The following SORCS1 variants were observed in gnomAD, a reference collection of about 807,000 sequenced individuals.
SORCS1 encodes sortilin related VPS10 domain containing receptor 1.
Under a neutral mutation model 146.1 loss-of-function variants are expected in SORCS1, and 60 were observed. The ratio of observed to expected loss-of-function variants is 0.41; its 90% CI spans 0.33 to 0.51. The LOEUF is 0.51. Among genes scored for constraint, SORCS1 ranks in the 20% least tolerant of loss-of-function variants. The pLI, the probability that SORCS1 is intolerant of heterozygous loss-of-function variation, is 0.21. For synonymous variants in SORCS1, 637 were observed against 584.0 expected (o/e 1.09, Z -1.31); for missense variants, 1,352 against 1,487.6 (o/e 0.91, Z 1.50).
At chr10:106,636,585 GA>G (rs745401538) in intron 18 of SORCS1, among the ~76,000 whole-genome samples, 16 of 152,054 alleles carry the variant, frequency 1.1e-4, no homozygotes, top group Non-Finnish European at 1.5e-4. Flanking sequence ...ATACTTATAA[GA>G]CCATCAGATC....
chr10:106,641,744 C>T (rs547084077), intron 18 of SORCS1, among the ~76,000 whole-genome samples: 5 of 151,930 alleles, frequency 3.3e-5, no homozygotes, highest in South Asian at 2.1e-4. Flanking sequence ...AGTTTACTGG[C>T]GGATGCCAAA....
At chr10:106,997,107 T>C (rs1302242020) in intron 1 of SORCS1, among the ~76,000 whole-genome samples, 1 of 152,094 alleles carries the variant, frequency 6.6e-6, no homozygotes, top group Non-Finnish European at 1.5e-5. Context: ...GCGCTGCCAT[T>C]CCAAGGCAGG....
At chr10:106,945,256 GA>G (rs1367542296) in intron 2 of SORCS1, among the ~76,000 whole-genome samples, 1 of 152,012 alleles carries the variant, frequency 6.6e-6, no homozygotes, top group Non-Finnish European at 1.5e-5. Flanking sequence ...ATTATGACCT[GA>G]AAAATATGGA....
chr10:106,649,007 G>A (rs776472318), intron 18 of SORCS1, among the ~76,000 whole-genome samples: 2 of 152,092 alleles, frequency 1.3e-5, no homozygotes, highest in Non-Finnish European at 2.9e-5. Flanking sequence ...GGGGCACTGA[G>A]TGGCCGGACT....
At chr10:107,132,524 A>G (rs1292432968) in intron 1 of SORCS1, among the ~76,000 whole-genome samples, 2 of 152,186 alleles carry the variant, frequency 1.3e-5, no homozygotes, top group Admixed American at 1.3e-4. Context: ...GCACGCTAAC[A>G]GTAGACAACA....
intron 18 of SORCS1, among the ~76,000 whole-genome samples, chr10:106,640,117 T>C (rs953903446): frequency 6.6e-6 from 1 of 152,186 alleles, no homozygotes; most frequent in Non-Finnish European, 1.5e-5. Flanking sequence ...TTTCTCCAGA[T>C]GAAAAAGCAG....
intron 20 of SORCS1, 52 bp downstream of exon 20, chr10:106,620,376 G>T: frequency 6.4e-7 from 1 of 1,573,324 alleles, no homozygotes; most frequent in Non-Finnish European, 8.7e-7. Flanking sequence ...TTTGCTTCAG[G>T]CAGCGTGAAT....
chr10:106,584,258 T>A (rs1367232455), intron 24 of SORCS1, among the ~76,000 whole-genome samples: 1 of 152,178 alleles, frequency 6.6e-6, no homozygotes, highest in Non-Finnish European at 1.5e-5. Flanking sequence ...CAATGGGCCT[T>A]CCCTCCATTT....
At chr10:107,091,520 T>A (rs1964177535) in intron 1 of SORCS1, among the ~76,000 whole-genome samples, 1 of 152,212 alleles carries the variant, frequency 6.6e-6, no homozygotes, top group Non-Finnish European at 1.5e-5. Flanking sequence ...GACAGTCCCA[T>A]AAACTTGGGA....
At chr10:107,164,939 T>C (rs1969999005), upstream of SORCS1, among the ~76,000 whole-genome samples, 1 of 148,390 alleles carries the variant, frequency 6.7e-6, no homozygotes. The surrounding 1 kb of genome is among the most constrained non-coding windows in gnomAD (Gnocchi z 6.8). Context: ...CCGCCGCCTC[T>C]CCCCGCCGCC....
At chr10:106,810,014 G>T (rs894007381) in intron 3 of SORCS1, among the ~76,000 whole-genome samples, 25 of 152,094 alleles carry the variant, frequency 1.6e-4, no homozygotes, top group African/African-American at 6.0e-4. Context: ...TGCGGTCAGG[G>T]GTTCAAGACC....
intron 3 of SORCS1, among the ~76,000 whole-genome samples, chr10:106,799,242 G>A (rs573364330): frequency 2.0e-5 from 3 of 152,148 alleles, no homozygotes; most frequent in Admixed American, 2.0e-4. Flanking sequence ...AGATGGATTA[G>A]AGACTTAAAT....
chr10:107,103,354 T>G lies in SORCS1; in HGVS notation c.558+60615A>C, dbSNP rs60934306. Among the ~76,000 whole-genome samples, 786 of 152,310 alleles carry G rather than the reference T, an allele frequency of 5.2e-3. 6 individuals carry two copies. Among genetic ancestry groups the G allele is most frequent in the African/African-American group, 0.017 (722 of 41,558 alleles). On this transcript the variant is annotated intron_variant, in intron 1 of 25. Coordinates refer to ENST00000263054, the MANE Select transcript of SORCS1 (RefSeq NM_052918.5). ...CTTTTGTCATTGTGGATGGCAGTAG[T>G]CCCGACTAAGGTTTATTAATATATG...
chr10:107,081,796 C>A (rs1473656098), intron 1 of SORCS1, among the ~76,000 whole-genome samples: 1 of 152,184 alleles, frequency 6.6e-6, no homozygotes, highest in Non-Finnish European at 1.5e-5. Flanking sequence ...CTTCCTCTGG[C>A]TATCTCAGTC....
chr10:106,614,806 T>C (rs1041366664), intron 21 of SORCS1, among the ~76,000 whole-genome samples: 1 of 152,226 alleles, frequency 6.6e-6, no homozygotes, highest in African/African-American at 2.4e-5. Context: ...AAATAGGGGA[T>C]GCGTGTGGGC....
At chr10:106,840,858 TA>T (rs1350462561) in intron 2 of SORCS1, among the ~76,000 whole-genome samples, 4 of 106,192 alleles carry the variant, frequency 3.8e-5, no homozygotes, top group African/African-American at 1.1e-4. Flanking sequence ...TATATATATA[TA>T]TATATTTTTT....
intron 5 of SORCS1, among the ~76,000 whole-genome samples, chr10:106,760,700 CACACACACTA>C (rs1241620139): frequency 3.1e-5 from 4 of 128,636 alleles, no homozygotes; most frequent in Admixed American, 3.0e-4. Flanking sequence ...CACAAACACA[CACACACACTA>C]ACACACACAC....
chr10:106,986,552 G>A (rs1956485286), intron 1 of SORCS1, among the ~76,000 whole-genome samples: 1 of 149,740 alleles, frequency 6.7e-6, no homozygotes, highest in Admixed American at 6.7e-5. Context: ...GTGTGTGTCT[G>A]TGAGTGTGTA....
At chr10:106,900,243 AGTT>A (rs1951650548) in intron 2 of SORCS1, among the ~76,000 whole-genome samples, 2 of 152,200 alleles carry the variant, frequency 1.3e-5, no homozygotes, top group Non-Finnish European at 2.9e-5. Context: ...GAGCTACTTG[AGTT>A]CAGAGCCCAT....
Sources: allele counts gnomAD v4.1 joint callset (sites outside exome capture counted in the v4.1 genomes callset), GRCh38; gene constraint gnomAD v4.1.1; non-coding constraint Gnocchi (gnomAD v3.1); transcripts MANE v1.5; gene names NCBI Gene and HGNC (gene_info 2026-07-23, HGNC 2026-07-21).